The following KLRG1 variants were observed in gnomAD, a reference collection of about 807,000 sequenced individuals.
KLRG1 encodes the protein killer cell lectin like receptor G1.
A neutral mutation model predicts 21.8 loss-of-function variants in KLRG1; 16 were observed. The observed-to-expected ratio is 0.73, with a 90% CI of 0.50 to 1.11. The LOEUF (loss-of-function observed/expected upper bound fraction) is 1.11, where lower values mean the gene tolerates loss of function less well. Among genes scored for constraint, KLRG1 ranks in the 50% most tolerant of loss-of-function variants. KLRG1 has a pLI of 0.00. For missense variants in KLRG1, 173 were observed against 218.3 expected, an observed-to-expected ratio of 0.79 and a Z score of 1.31; for synonymous variants, 69 against 75.9, an observed-to-expected ratio of 0.91 and a Z score of 0.47.
At chr12:8,993,191 TTTG>T (rs1947028360) in intron 2 of KLRG1, among the ~76,000 whole-genome samples, 1 of 151,796 alleles carries the variant, frequency 6.6e-6, no homozygotes, top group Non-Finnish European at 1.5e-5. Flanking sequence ...GGACTCTCAG[TTTG>T]TTGTTTTACA....
chr12:9,069,678 T>A, the KLRG1 span: 1 of 1,236,506 alleles, frequency 8.1e-7, no homozygotes, highest in Non-Finnish European at 1.1e-6. Context: ...TGCATTTACC[T>A]TCCCAGATGT....
chr12:9,164,350 T>A, the KLRG1 span: 1 of 1,385,614 alleles, frequency 7.2e-7, no homozygotes, highest in Non-Finnish European at 9.8e-7. Flanking sequence ...GATGCTGCAG[T>A]AAATTGGGAT....
At chr12:8,994,903 GA>G (rs1947082116) in intron 2 of KLRG1, among the ~76,000 whole-genome samples, 1 of 152,178 alleles carries the variant, frequency 6.6e-6, no homozygotes. Flanking sequence ...TTGTGTAGTG[GA>G]ATATATACTT....
At chr12:9,084,983 C>G in the KLRG1 span, among the ~76,000 whole-genome samples, 2 of 152,142 alleles carry the variant, frequency 1.3e-5, no homozygotes, top group Non-Finnish European at 2.9e-5. Flanking sequence ...AAGGATATAA[C>G]AATTGTAAAT....
chr12:9,143,663 C>T, the KLRG1 span, among the ~76,000 whole-genome samples: 1 of 152,054 alleles, frequency 6.6e-6, no homozygotes, highest in Non-Finnish European at 1.5e-5. Flanking sequence ...GTCAAGGTCC[C>T]TGAGAATTTG....
chr12:9,200,805 A>T, the KLRG1 span: 2 of 1,385,666 alleles, frequency 1.4e-6, no homozygotes, highest in Non-Finnish European at 2.0e-6. Context: ...CAAGTTCAAC[A>T]TATCTACAGG....
At chr12:9,181,855 G>C in the KLRG1 span, 10 of 1,112,156 alleles carry the variant, frequency 9.0e-6, no homozygotes, top group Non-Finnish European at 1.3e-5. Context: ...CCATAAACTT[G>C]TTGGGAACTG....
chr12:9,094,340 C>CAAATATATAT, the KLRG1 span, among the ~76,000 whole-genome samples: 1 of 97,018 alleles, frequency 1.0e-5, no homozygotes, highest in African/African-American at 4.0e-5. Flanking sequence ...AAAAATTGTG[C>CAAATATATAT]ATATATATAT....
At chr12:9,044,224 G>C in the KLRG1 span, among the ~76,000 whole-genome samples, 14,334 of 151,988 alleles carry the variant, frequency 0.094, 1,170 homozygotes, top group African/African-American at 0.22. Context: ...TGATGAAATA[G>C]AAAAAAAGAA....
At chr12:9,039,047 G>A in the KLRG1 span, among the ~76,000 whole-genome samples, 1 of 152,180 alleles carries the variant, frequency 6.6e-6, no homozygotes, top group Non-Finnish European at 1.5e-5. Flanking sequence ...TGTCTGATAA[G>A]TTGTCCAAGG....
chr12:9,142,874 G>A, the KLRG1 span, among the ~76,000 whole-genome samples: 1 of 152,156 alleles, frequency 6.6e-6, no homozygotes, highest in Admixed American at 6.5e-5. Context: ...AATGGGATTT[G>A]TGGCAACTTT....
At chr12:9,043,138 C>T in the KLRG1 span, among the ~76,000 whole-genome samples, 1 of 144,488 alleles carries the variant, frequency 6.9e-6, no homozygotes, top group African/African-American at 2.6e-5. Flanking sequence ...TGCAGTGGTG[C>T]ACTCTTGGCT....
chr12:8,995,641 T>A (rs1947106966), intron 3 of KLRG1, among the ~76,000 whole-genome samples: 1 of 151,654 alleles, frequency 6.6e-6, no homozygotes, highest in Non-Finnish European at 1.5e-5. Flanking sequence ...TTAAAAGAAG[T>A]CTTAGGTCCG....
chr12:8,950,077 C>T (rs750835629), exon 1 of KLRG1: 2 of 152,220 alleles, frequency 1.3e-5, no homozygotes, highest in Non-Finnish European at 2.9e-5. Context: ...GGGCGCTTCC[C>T]TAGCCCGTTC....
At chr12:9,176,033 C>T in the KLRG1 span, among the ~76,000 whole-genome samples, 79 of 152,220 alleles carry the variant, frequency 5.2e-4, no homozygotes, top group Middle Eastern at 6.8e-3. Context: ...GCACTATTCA[C>T]GATAGCAAAG....
chr12:9,106,226 A>C, the KLRG1 span: 4 of 1,563,378 alleles, frequency 2.6e-6, no homozygotes, highest in African/African-American at 5.4e-5. Flanking sequence ...TGAACTGGAA[A>C]ATACTCCACC....
At chr12:9,066,010 C>G in the KLRG1 span, 2 of 152,290 alleles carry the variant, frequency 1.3e-5, no homozygotes, top group African/African-American at 4.8e-5. Context: ...GTTGGGACAC[C>G]CTTGCTGTGG....
the KLRG1 span, chr12:9,111,623 A>T: frequency 9.3e-6 from 4 of 430,684 alleles, no homozygotes; most frequent in Non-Finnish European, 1.8e-5. Context: ...GCTAGAAGAG[A>T]AGAGTTGCCT....
chr12:9,201,152 C>T, the KLRG1 span: 29 of 1,494,814 alleles, frequency 1.9e-5, no homozygotes, highest in Non-Finnish European at 2.7e-5. Context: ...ATTAGCATTG[C>T]CTCTGGAAAG....
Sources: gnomAD v4.1 joint callset for allele counts (sites outside exome capture counted in the v4.1 genomes callset) on GRCh38, gnomAD v4.1.1 for gene constraint, MANE v1.5 for transcripts, NCBI Gene and HGNC (gene_info 2026-07-23, HGNC 2026-07-21) for gene names.